The following SEMA3C variants were observed in gnomAD, a reference collection of about 807,000 sequenced individuals.
The protein encoded by SEMA3C is semaphorin-3C.
Under a neutral mutation model 89.4 loss-of-function variants are expected in SEMA3C, and 47 were observed. The observed-to-expected ratio is 0.53, with a 90% CI of 0.42 to 0.67. The LOEUF (loss-of-function observed/expected upper bound fraction) is 0.67. Among genes scored for constraint, SEMA3C ranks in the 30% least tolerant of loss-of-function variants. The pLI is 0.00. For missense variants in SEMA3C, 839 were observed against 929.1 expected (o/e 0.90, Z 1.26); for synonymous variants, 310 against 320.2 (o/e 0.97, Z 0.34).
At chr7:80,858,742 T>C (rs1305097729) in intron 2 of SEMA3C, among the ~76,000 whole-genome samples, 1 of 152,182 alleles carries the variant, frequency 6.6e-6, no homozygotes, top group Non-Finnish European at 1.5e-5. Flanking sequence ...GCATACATAT[T>C]AGAGGCCATG....
intron 13 of SEMA3C, among the ~76,000 whole-genome samples, chr7:80,763,838 T>C (rs1788239278): frequency 6.6e-6 from 1 of 152,162 alleles, no homozygotes; most frequent in Non-Finnish European, 1.5e-5. Context: ...TTCTGGTTAA[T>C]CTAGTGAAAT....
At chr7:80,847,505 T>C (rs1395819149) in intron 2 of SEMA3C, among the ~76,000 whole-genome samples, 1 of 152,186 alleles carries the variant, frequency 6.6e-6, no homozygotes, top group Non-Finnish European at 1.5e-5. Context: ...ATTTATTGTA[T>C]TATGGACTGG....
intron 17 of SEMA3C, among the ~76,000 whole-genome samples, chr7:80,745,796 T>G (rs1445451976): frequency 6.6e-6 from 1 of 152,114 alleles, no homozygotes. Flanking sequence ...AATAAATGAA[T>G]GGTCTTCTAA....
At chr7:80,881,606 T>C (rs912468973) in intron 2 of SEMA3C, among the ~76,000 whole-genome samples, 3 of 152,194 alleles carry the variant, frequency 2.0e-5, no homozygotes, top group African/African-American at 7.2e-5. Context: ...TTTTGTAATA[T>C]GGAAAATCAA....
intron 2 of SEMA3C, among the ~76,000 whole-genome samples, chr7:80,868,778 T>C (rs949462052): frequency 6.6e-6 from 1 of 152,092 alleles, no homozygotes; most frequent in Non-Finnish European, 1.5e-5. Context: ...CCACAGCTGA[T>C]TACTGTGTGG....
chr7:80,827,760 C>A (rs1789910004), intron 3 of SEMA3C, among the ~76,000 whole-genome samples: 1 of 152,010 alleles, frequency 6.6e-6, no homozygotes, highest in African/African-American at 2.4e-5. Flanking sequence ...TCATTATTAA[C>A]ATAAATGTGA....
At chr7:80,903,164 T>C (rs974002175) in intron 2 of SEMA3C, among the ~76,000 whole-genome samples, 1 of 152,208 alleles carries the variant, frequency 6.6e-6, no homozygotes, top group Admixed American at 6.5e-5. Flanking sequence ...TTTGTCATTG[T>C]GCGAACATCA....
At chr7:80,910,345 T>C (rs778763737) in intron 2 of SEMA3C, among the ~76,000 whole-genome samples, 2 of 152,208 alleles carry the variant, frequency 1.3e-5, no homozygotes, top group Non-Finnish European at 2.9e-5. Flanking sequence ...TGGGTTGAAA[T>C]GATTGTTTCT....
intron 14 of SEMA3C, among the ~76,000 whole-genome samples, chr7:80,759,586 C>A (rs1788139147): frequency 6.6e-6 from 1 of 152,162 alleles, no homozygotes; most frequent in African/African-American, 2.4e-5. Flanking sequence ...ACATAAAATG[C>A]TTGGAATAGT....
intron 11 of SEMA3C, among the ~76,000 whole-genome samples, chr7:80,792,639 AAAC>A (rs1244128345): frequency 2.0e-5 from 3 of 152,200 alleles, no homozygotes; most frequent in African/African-American, 7.2e-5. Flanking sequence ...TAGGTAATCT[AAAC>A]AAATCAAATA....
chr7:80,889,617 C>T (rs1260617796), intron 2 of SEMA3C, among the ~76,000 whole-genome samples: 1 of 151,874 alleles, frequency 6.6e-6, no homozygotes, highest in Non-Finnish European at 1.5e-5. Context: ...TTTTGGGTAA[C>T]ATAAATACAA....
At chr7:80,804,793 G>A (rs1312479485) in intron 7 of SEMA3C, among the ~76,000 whole-genome samples, 1 of 152,090 alleles carries the variant, frequency 6.6e-6, no homozygotes, top group African/African-American at 2.4e-5. Context: ...TGTACTGGAG[G>A]AATAATCTGA....
At chr7:80,846,349 C>T (rs541477959) in intron 2 of SEMA3C, among the ~76,000 whole-genome samples, 2 of 152,012 alleles carry the variant, frequency 1.3e-5, no homozygotes, top group South Asian at 2.1e-4. Context: ...GCTAACTTTT[C>T]GTTGTTTGTA....
At position 80,853,892 on chromosome 7, in the gene SEMA3C, A is replaced by ATGTGTG. The variant is rs113692755; in HGVS notation, c.104-25153_104-25148dup. ...AAAATATCTTATGTACCCCATATATATGTGTGTGTGTGTGTGTGTGTGTGT... is the reference window on the plus strand; with the variant it reads ...AAAATATCTTATGTACCCCATATATATGTGTGTGTGTGTGTGTGTGTGTGTGTGTGT... On this transcript the variant is annotated intron_variant, in intron 2 of 17. Coordinates refer to ENST00000265361, the MANE Select transcript of SEMA3C (RefSeq NM_006379.5). Among the ~76,000 whole-genome samples, 166 of 148,958 alleles carry ATGTGTG rather than the reference A, an allele frequency of 1.1e-3. 1 individual carries two copies. Among genetic ancestry groups the ATGTGTG allele is most frequent in the African/African-American group, 3.9e-3 (158 of 40,734 alleles).
intron 2 of SEMA3C, among the ~76,000 whole-genome samples, chr7:80,869,036 A>G (rs1054224871): frequency 3.9e-5 from 6 of 152,216 alleles, no homozygotes; most frequent in Non-Finnish European, 5.9e-5. Context: ...AGAGCATAAT[A>G]TGCCTTACAT....
At position 80,840,206 on chromosome 7, in the gene SEMA3C, T is replaced by C. The variant is rs77367581; in HGVS notation, c.104-11461A>G. 5.8e-3 allele frequency among the ~76,000 whole-genome samples: 879 copies of C among 152,180 alleles called. 31 individuals are homozygous for C. In the East Asian group the frequency reaches 0.099, roughly 17 times the overall value. ...AAACAGAAATATTCTTTGAGACATA[T>C]ATTTATTCATTCATTCAATAGATGG... On this transcript the variant is annotated intron_variant, in intron 2 of 17. Coordinates refer to ENST00000265361, the MANE Select transcript of SEMA3C (RefSeq NM_006379.5).
At chr7:80,848,839 C>T (rs1331555219) in intron 2 of SEMA3C, among the ~76,000 whole-genome samples, 2 of 151,914 alleles carry the variant, frequency 1.3e-5, no homozygotes, top group African/African-American at 4.8e-5. Context: ...TCTATGTTTT[C>T]GTTTTATTTT....
At chr7:80,754,232 C>T (rs776107814) in intron 15 of SEMA3C, among the ~76,000 whole-genome samples, 5 of 151,968 alleles carry the variant, frequency 3.3e-5, no homozygotes, top group African/African-American at 4.8e-5. Flanking sequence ...CCACTGCGCC[C>T]GGCATGTTTA....
intron 2 of SEMA3C, among the ~76,000 whole-genome samples, chr7:80,914,440 G>C (rs1223255905): frequency 6.6e-6 from 1 of 151,890 alleles, no homozygotes; most frequent in Non-Finnish European, 1.5e-5. Flanking sequence ...ATTGAACCAA[G>C]GTTTAAAATT....
Sources: allele counts gnomAD v4.1 joint callset (sites outside exome capture counted in the v4.1 genomes callset), GRCh38; gene constraint gnomAD v4.1.1; transcripts MANE v1.5; gene names NCBI Gene and HGNC (gene_info 2026-07-23, HGNC 2026-07-21).